Variants in ALG3 observed in about 807,000 individuals in gnomAD.
ALG3 encodes dol-P-Man:Man(5)GlcNAc(2)-PP-Dol alpha-1,3-mannosyltransferase.
In ALG3, 39 loss-of-function variants were observed where a neutral mutation model predicts 50.5. The ratio of observed to expected loss-of-function variants is 0.77; its 90% CI spans 0.60 to 1.01. The LOEUF is 1.01. Ranked by LOEUF, ALG3 falls within the 50% of genes least tolerant of loss-of-function variation. ALG3 has a pLI of 0.00. For synonymous variants in ALG3, 252 were observed against 237.2 expected, an observed-to-expected ratio of 1.06 and a Z score of -0.58; for missense variants, 520 against 554.8, an observed-to-expected ratio of 0.94 and a Z score of 0.63.
chr3:184,248,129 C>T (rs1392891602), intron 1 of ALG3, among the ~76,000 whole-genome samples: 2 of 151,850 alleles, frequency 1.3e-5, no homozygotes, highest in African/African-American at 4.8e-5. Context: ...GCTGGGATTA[C>T]AGGCGTGAGC....
chr3:184,245,144 G>A, intron 4 of ALG3, 54 bp downstream of exon 4: 1 of 1,604,274 alleles, frequency 6.2e-7, no homozygotes, highest in Non-Finnish European at 8.5e-7. Context: ...AGGAAATTGG[G>A]AAGAGATGGA....
chr3:184,244,630 G>A lies in ALG3; in HGVS notation c.697C>T (p.Pro233Ser). The A allele has an allele frequency of 6.2e-7, 1 of 1,610,866 alleles. No homozygotes were observed. Among genetic ancestry groups the A allele is most frequent in the Non-Finnish European group, 8.5e-7 (1 of 1,178,628 alleles). ...LTQFGFRGALPKLGICAGLQV... is the reference protein window; with the variant it reads ...LTQFGFRGALSKLGICAGLQV... ...AGGCCAGCACAGATTCCCAGCTTGGGGAGGGCCCCACGGAAGCCAAACTGT... is the reference window on the plus strand; with the variant it reads ...AGGCCAGCACAGATTCCCAGCTTGGAGAGGGCCCCACGGAAGCCAAACTGT... The change falls in exon 5 of 9, where the codon CCC (proline) becomes TCC (serine). Residue 233 changes from proline to serine, a missense_variant. Pro to Ser is a moderately conservative substitution (Grantham distance 74). This residue lies in a region of ALG3 where 224 missense variants were observed against 272.8 expected (regional missense o/e 0.82). Transcript: ENST00000397676.
In ALG3 at chr3:184,248,878, G is replaced by A. The variant is rs1199069210; in HGVS notation, c.63C>T (p.Cys21=). The A allele has an allele frequency of 1.2e-6, 2 of 1,606,328 alleles. No individual in the cohort carries two copies. The highest frequency in any genetic ancestry group is 1.7e-4 in the Middle Eastern group (1 of 5,970). The part of the protein sequence containing the change: ...SGSAAQAEGL[C]KQWLQRAWQE... ...GCCAGGCGCGCTGCAGCCATTGCTT[G>A]CAGAGTCCCTCTGCCTGGGCCGCGG... Residue 21 remains cysteine, a synonymous_variant, in exon 1 of 9, where the codon TGC becomes TGT. Transcript: ENST00000397676.
chr3:184,244,073 G>A, intron 5 of ALG3, 77 bp from the exon 6 acceptor site: 3 of 1,421,566 alleles, frequency 2.1e-6, no homozygotes, highest in Non-Finnish European at 1.9e-6. Context: ...TCATTGAGGG[G>A]TGTGGGACGG....
At chr3:184,245,132 G>A (rs1394193381) in intron 4 of ALG3, 66 bp downstream of exon 4, 1 of 1,589,358 alleles carries the variant, frequency 6.3e-7, no homozygotes, top group Non-Finnish European at 8.6e-7. Flanking sequence ...TCCCTCTGCT[G>A]CAGGAAATTG....
intron 4 of ALG3, 53 bp from the exon 5 acceptor site, chr3:184,244,774 A>G: frequency 6.3e-7 from 1 of 1,579,844 alleles, no homozygotes; most frequent in Non-Finnish European, 8.6e-7. Context: ...GGCCATGCAC[A>G]CAACACCCAA....
At chr3:184,243,050 G>A (rs1718921322) in intron 7 of ALG3, 93 bp from the exon 8 acceptor site, 1 of 1,523,488 alleles carries the variant, frequency 6.6e-7, no homozygotes, top group Non-Finnish European at 8.9e-7. Context: ...ATAGCCCTCT[G>A]GCTCTGCCAT....
At chr3:184,249,419 TATGAGAG>T (rs1309668943), upstream of ALG3, 2 of 1,011,708 alleles carry the variant, frequency 2.0e-6, no homozygotes, top group Non-Finnish European at 2.9e-6. Flanking sequence ...ATATTGAAAA[TATGAGAG>T]GACGCAGTGA....
intron 1 of ALG3, 121 bp from the exon 2 acceptor site, chr3:184,245,933 T>TAG: frequency 1.4e-6 from 1 of 721,348 alleles, no homozygotes; most frequent in Non-Finnish European, 2.4e-6. Context: ...TACTACCTCT[T>TAG]AATCTAACTC....
chr3:184,245,471 G>A lies in ALG3; in HGVS notation c.441C>T (p.Cys147=), dbSNP rs1416405370. The change falls in exon 3 of 9, where the codon TGC becomes TGT. Residue 147 remains cysteine (C), a synonymous_variant. Transcript: ENST00000397676. ...AGCCCTGGTAGCATGGACTCACCTT[G>A]CAGGTCTGGTGATAGATCAAGAAGA... is the stretch of plus-strand genomic sequence containing the variant. ...LLVFLIYHQT[C]KVPPFVFFFM... 1 of 1,613,950 alleles carries A rather than the reference G, an allele frequency of 6.2e-7. No individual in the cohort carries two copies. Among genetic ancestry groups the A allele is most frequent in the Middle Eastern group, 1.6e-4 (1 of 6,062 alleles).
rs774237992 is a variant in ALG3 at position 184,242,941 on chromosome 3, G to A, written c.1026C>T (p.Leu342=). The change falls in exon 8 of 9, where the codon CTC becomes CTT. Residue 342 remains leucine, a synonymous_variant. Transcript: ENST00000397676. The stretch of plus-strand genomic sequence containing the variant: ...AGATGCCAATGAAGTTGGAGGTGAA[G>A]AGGGTAGAAACGATCTGTATGCGGT... ...PLTPNQIVST[L]FTSNFIGICF... 1.2e-6 allele frequency: 2 copies of A among 1,613,552 alleles called. No individual in the cohort carries two copies. The highest frequency in any genetic ancestry group is 1.7e-6 in the Non-Finnish European group (2 of 1,179,758).
At chr3:184,244,514 C>A in intron 5 of ALG3, 87 bp downstream of exon 5, 1 of 1,489,764 alleles carries the variant, frequency 6.7e-7, no homozygotes, top group Non-Finnish European at 9.1e-7. Flanking sequence ...TGTCTCTTGG[C>A]TTTGAGGGAG....
rs761586282 is a variant in ALG3 at position 184,245,180 on chromosome 3, A to G, written c.605+18T>C. 6.2e-7 allele frequency: 1 copy of G among 1,613,716 alleles called. No homozygotes were observed. Among genetic ancestry groups the G allele is most frequent in the East Asian group, 2.2e-5 (1 of 44,880 alleles). ...AATGCAGAAAACGAGAGGGGACCAG[A>G]AAGGAAGAGGTGTTGACCTGAAAAA... On this transcript the variant is annotated intron_variant, in intron 4 of 8. Coordinates refer to ENST00000397676, the MANE Select transcript of ALG3 (RefSeq NM_005787.6).
In ALG3 at chr3:184,242,611, G is replaced by C; in HGVS notation, c.1220C>G (p.Ala407Gly). 6.3e-7 allele frequency: 1 copy of C among 1,585,056 alleles called. No individual in the cohort carries two copies. Among genetic ancestry groups the C allele is most frequent in the African/African-American group, 1.3e-5 (1 of 74,502 alleles). The change falls in exon 9 of 9, where the codon GCT (alanine) becomes GGT (glycine). Residue 407 changes from alanine to glycine, a missense_variant. This residue lies in a region of ALG3 where 224 missense variants were observed against 272.8 expected (regional missense o/e 0.82). Coordinates refer to ENST00000397676, the MANE Select transcript of ALG3 (RefSeq NM_005787.6). ...NTYPSTSCSSAALHICHAVIL... is the reference protein window; with the variant it reads ...NTYPSTSCSSGALHICHAVIL... Reference sequence around the variant, plus strand: ...GACGGCATGGCATATGTGCAGGGCAGCAGAGCTGCAGGATGTGGAAGGGTA... The same window carrying C: ...GACGGCATGGCATATGTGCAGGGCACCAGAGCTGCAGGATGTGGAAGGGTA...
At position 184,243,571 on chromosome 3, in the gene ALG3, T is replaced by C. The variant is rs1183016264; in HGVS notation, c.992A>G (p.Gln331Arg). The C allele has an allele frequency of 8.7e-6, 14 of 1,613,898 alleles. No homozygotes were observed. The highest frequency in any genetic ancestry group is 1.2e-5 in the Non-Finnish European group (14 of 1,179,860). The change falls in exon 7 of 9, where the codon CAG (glutamine) becomes CGG (arginine). Residue 331 changes from glutamine (Q) to arginine (R), a missense_variant. By Grantham distance (43) the Gln-to-Arg change is conservative. Transcript: ENST00000397676. ...AAGGATATGGTTGGGTGTAAGGGGC[T>C]GGGGTGGAACCTTCCTTTTGGAGGG... Reference protein sequence around the residue: ...RDPSKRKVPPQPLTPNQIVST... With the variant: ...RDPSKRKVPPRPLTPNQIVST...
chr3:184,244,910 A>G, intron 4 of ALG3, 189 bp from the exon 5 acceptor site: 2 of 795,552 alleles, frequency 2.5e-6, no homozygotes, highest in Non-Finnish European at 4.0e-6. Flanking sequence ...GCAGATACAT[A>G]GTCTCTATGC....
chr3:184,248,711 C>T (rs765923670), intron 1 of ALG3, 34 bp downstream of exon 1: 1 of 1,409,112 alleles, frequency 7.1e-7, no homozygotes, highest in Non-Finnish European at 9.7e-7. Flanking sequence ...TCAGGTCTCC[C>T]TCCCTCCCCT....
In ALG3 at chr3:184,245,275, T is replaced by A; in HGVS notation, c.528A>T (p.Pro176=). The change falls in exon 4 of 9, where the codon CCA becomes CCT. Residue 176 remains proline (P), a synonymous_variant. Transcript: ENST00000397676. ...SIFVLRLFND[P]VAMVLLFLSI... ...TGAGGAAGAGCAGCACCATGGCCAC[T>A]GGGTCATTGAAGAGCCGCAGCACAA... 1 of 1,613,646 alleles carries A rather than the reference T, an allele frequency of 6.2e-7. No homozygotes were observed. The highest frequency in any genetic ancestry group is 8.5e-7 in the Non-Finnish European group (1 of 1,179,790).
In ALG3 at chr3:184,246,139, G is replaced by A. The variant is rs183229701; in HGVS notation, c.197-327C>T. Among the ~76,000 whole-genome samples, 16 of 152,130 alleles carry A rather than the reference G, an allele frequency of 1.1e-4. No individual in the cohort carries two copies. The East Asian group carries it at 2.5e-3, about 24-fold the overall frequency. ...CCTCCTCTCTCATTTGCAACCCTTC[G>A]TCAACAAGTTCTGCCTGTTCCTCAC... On this transcript the variant is annotated intron_variant, in intron 1 of 8. Coordinates refer to ENST00000397676, the MANE Select transcript of ALG3 (RefSeq NM_005787.6).
Sources: gnomAD v4.1 joint callset for allele counts (sites outside exome capture counted in the v4.1 genomes callset) on GRCh38, gnomAD v4.1.1 for gene constraint, gnomAD v4.1.1 regional missense constraint, MANE v1.5 for transcripts, NCBI Gene and HGNC (gene_info 2026-07-23, HGNC 2026-07-21) for gene names.